Variants in CABP1 observed in about 807,000 individuals in gnomAD.
CABP1 encodes the protein calcium-binding protein 1.
CABP1 carries 17 observed loss-of-function variants against 34.3 expected under a neutral mutation model. The ratio of observed to expected loss-of-function variants is 0.50; its 90% confidence interval spans 0.34 to 0.74. The LOEUF is 0.74. Ranked by LOEUF, CABP1 falls within the 30% of genes least tolerant of loss-of-function variation. The pLI is 0.01. For synonymous variants in CABP1, 198 were observed against 229.2 expected (o/e 0.86, Z 1.23); for missense variants, 373 against 511.1 (o/e 0.73, Z 2.61).
chr12:120,647,337 A>G (rs1399644534), intron 1 of CABP1, among the ~76,000 whole-genome samples: 1 of 152,054 alleles, frequency 6.6e-6, no homozygotes, highest in Non-Finnish European at 1.5e-5. Context: ...GAAGCCGAGA[A>G]AGATCAACAT....
chr12:120,665,845 C>A (rs938540408), intron 5 of CABP1, among the ~76,000 whole-genome samples: 4 of 151,572 alleles, frequency 2.6e-5, no homozygotes, highest in African/African-American at 9.7e-5. Flanking sequence ...CATGGTGAAA[C>A]CCCATCTCTA....
chr12:120,660,487 T>C lies in CABP1; in HGVS notation c.829+148T>C. 3.2e-6 allele frequency: 3 copies of C among 931,886 alleles called. No homozygotes were observed. The highest frequency in any genetic ancestry group is 4.8e-6 in the Non-Finnish European group (3 of 624,606). The allele number at this position is 931,886 out of a possible 1,614,324, so 57.7% of individuals were successfully genotyped here. A position where few individuals can be genotyped will look rare whatever the true frequency, so the allele number is the denominator to read the frequency against. ...CCACTTACCCTCTCTGAGCCTCAGT[T>C]TCCTCACCTGTAAAATGAGGGCCGA... On this transcript the variant is annotated intron_variant, in intron 3 of 5. Transcript: ENST00000316803. The surrounding 1 kb of genome is among the most constrained non-coding windows in gnomAD (Gnocchi z 5.0).
rs563412674 is a variant in CABP1, at chr12:120,655,094, A to T, written c.655-4784A>T. ...CCGGTGCTTTAAATCAGATCTGGTT[A>T]CACTGGGCTGGAGTTAAGTAGTGCT... On this transcript the variant is annotated intron_variant, in intron 1 of 5. Coordinates refer to ENST00000316803, the MANE Select transcript of CABP1 (RefSeq NM_001033677.2). Among the ~76,000 whole-genome samples the T allele has an allele frequency of 6.6e-5, 10 of 152,310 alleles. No homozygotes were observed. In the South Asian group the frequency reaches 1.9e-3, roughly 28 times the overall value.
rs375751885 is a variant in CABP1 at position 120,654,463 on chromosome 12, CCTT to C, written c.655-5411_655-5409del. Among the ~76,000 whole-genome samples the C allele has an allele frequency of 3.2e-3, 481 of 152,254 alleles. 3 individuals are homozygous for C. The highest frequency in any genetic ancestry group is 0.01 in the African/African-American group (427 of 41,548). ...TCTTGGGATGTTCTCCTAAGCAGGGCCTTCTTTGCCCTGGAGGAATCTGACTGC... is the reference window on the plus strand; with the variant it reads ...TCTTGGGATGTTCTCCTAAGCAGGGCCTTTGCCCTGGAGGAATCTGACTGC... On this transcript the variant is annotated intron_variant, in intron 1 of 5. Transcript: ENST00000316803.
At chr12:120,652,986 C>T (rs1380644557) in intron 1 of CABP1, among the ~76,000 whole-genome samples, 3 of 152,140 alleles carry the variant, frequency 2.0e-5, no homozygotes, top group Non-Finnish European at 2.9e-5. Flanking sequence ...ACCAGGCTGT[C>T]AGGTGCCATC....
Position 120,640,825 on chromosome 12 carries a change from C to G in CABP1, c.140C>G (p.Pro47Arg), listed in dbSNP as rs1341043594. The change falls in exon 1 of 6, where the codon CCG becomes CGG. Residue 47 changes from proline to arginine, a missense_variant. Physicochemically the swap from Pro to Arg is moderately radical, Grantham distance 103. Coordinates refer to ENST00000316803, the MANE Select transcript of CABP1 (RefSeq NM_001033677.2). The surrounding 1 kb of genome is among the most constrained non-coding windows in gnomAD (Gnocchi z 6.2). Reference protein sequence around the residue: ...GPAPRRTAPPPPGHASAGPAA... With the variant: ...GPAPRRTAPPRPGHASAGPAA... ...GCGCCGCGCCGCACCGCGCCGCCCCCGCCGGGCCATGCGAGCGCGGGCCCC... is the reference window on the plus strand; with the variant it reads ...GCGCCGCGCCGCACCGCGCCGCCCCGGCCGGGCCATGCGAGCGCGGGCCCC... 9.2e-7 allele frequency: 1 copy of G among 1,081,964 alleles called. No individual in the cohort carries two copies. Among genetic ancestry groups the G allele is most frequent in the African/African-American group, 1.7e-5 (1 of 59,144 alleles). 67.0% of individuals were successfully genotyped at this position (1,081,964 alleles called of 1,614,324 possible).
chr12:120,656,443 AAAT>A (rs1171057572), intron 1 of CABP1, among the ~76,000 whole-genome samples: 1 of 122,564 alleles, frequency 8.2e-6, no homozygotes, highest in African/African-American at 2.9e-5. Context: ...TCCACGAGCA[AAAT>A]AATGATGATG....
intron 5 of CABP1, chr12:120,662,096 A>C (rs57860907): frequency 0.015 from 2,212 of 152,264 alleles, 45 homozygotes; most frequent in Admixed American, 0.048. Context: ...CCATTCACCC[A>C]TCCCTGTGTC....
chr12:120,668,952 C>T (rs913056248), downstream of CABP1, among the ~76,000 whole-genome samples: 1 of 152,198 alleles, frequency 6.6e-6, no homozygotes, highest in Non-Finnish European at 1.5e-5. Context: ...ATGTCTGGGG[C>T]GCAGTCCATG....
At chr12:120,652,336 G>A (rs1330248238) in intron 1 of CABP1, among the ~76,000 whole-genome samples, 4 of 151,552 alleles carry the variant, frequency 2.6e-5, no homozygotes, top group South Asian at 2.1e-4. Context: ...AGTCAATTTC[G>A]TGTTTCTATC....
the CABP1 span, among the ~76,000 whole-genome samples, chr12:120,675,693 C>G: frequency 6.6e-6 from 1 of 152,220 alleles, no homozygotes; most frequent in Non-Finnish European, 1.5e-5. Context: ...CTCCCTCCCC[C>G]TCACTAGAAT....
chr12:120,673,791 T>C, the CABP1 span, among the ~76,000 whole-genome samples: 3 of 152,210 alleles, frequency 2.0e-5, no homozygotes, highest in Admixed American at 2.0e-4. Context: ...CAGTGCTTCC[T>C]GACCAGGGGG....
intron 1 of CABP1, among the ~76,000 whole-genome samples, chr12:120,657,412 A>G (rs1313853843): frequency 2.0e-5 from 3 of 152,214 alleles, no homozygotes; most frequent in Admixed American, 6.5e-5. Flanking sequence ...CCCATTTTAC[A>G]GATGAGGAGA....
At chr12:120,669,615 G>A (rs1881180655), downstream of CABP1, among the ~76,000 whole-genome samples, 1 of 152,160 alleles carries the variant, frequency 6.6e-6, no homozygotes, top group African/African-American at 2.4e-5. Context: ...TTAGCCAGGC[G>A]TAGTGGGGCA....
At chr12:120,659,667 G>A (rs1172241495) in intron 1 of CABP1, 2 of 508,194 alleles carry the variant, frequency 3.9e-6, no homozygotes, top group Admixed American at 3.7e-5. Flanking sequence ...TGGCTTCTTG[G>A]GCATCTCCTG....
the CABP1 span, among the ~76,000 whole-genome samples, chr12:120,673,532 C>T: frequency 6.6e-5 from 10 of 151,876 alleles, no homozygotes; most frequent in Middle Eastern, 3.4e-3. Flanking sequence ...TACAGTGAGC[C>T]GAGATCGTGC....
chr12:120,666,849 C>G, intron 5 of CABP1, 26 bp from the exon 6 acceptor site: 2 of 1,598,904 alleles, frequency 1.3e-6, no homozygotes. Context: ...GCTGCTTGCT[C>G]CCCAGCTGCT....
Position 120,660,955 on chromosome 12 carries a change from G to A in CABP1, c.939+115G>A, listed in dbSNP as rs1476764816. On this transcript the variant is annotated intron_variant, in intron 4 of 5. Transcript: ENST00000316803. The surrounding 1 kb of genome is among the most constrained non-coding windows in gnomAD (Gnocchi z 5.0). ...CAGATCAGGGGAGGGAGCTTGGACA[G>A]AGAAAGGTCTCTGGTAAAGGGGGGC... 4.2e-6 allele frequency: 6 copies of A among 1,419,510 alleles called. No individual in the cohort carries two copies. In the South Asian group the frequency reaches 6.2e-5, roughly 15 times the overall value. 87.9% of individuals were successfully genotyped at this position (1,419,510 alleles called of 1,614,324 possible).
chr12:120,650,625 GC>G (rs776402457), intron 1 of CABP1: 138 of 1,613,834 alleles, frequency 8.6e-5, no homozygotes, highest in Non-Finnish European at 1.1e-4. Context: ...AAGAGGGGCT[GC>G]CTCAACTTAG....
Sources: allele counts gnomAD v4.1 joint callset (sites outside exome capture counted in the v4.1 genomes callset), GRCh38; gene constraint gnomAD v4.1.1; non-coding constraint Gnocchi (gnomAD v3.1); transcripts MANE v1.5; gene names NCBI Gene and HGNC (gene_info 2026-07-23, HGNC 2026-07-21).